The following RXRA variants were observed in gnomAD, a reference collection of about 807,000 sequenced individuals.
The protein encoded by RXRA is retinoic acid receptor RXR-alpha.
In RXRA, 5 loss-of-function variants were observed where a neutral mutation model predicts 44.5. That is an observed-to-expected ratio of 0.11 (90% CI 0.06 to 0.24). RXRA has a LOEUF of 0.24. Ranked by LOEUF, RXRA falls within the 10% of genes least tolerant of loss-of-function variation. The probability of loss-of-function intolerance (pLI) is 1.00; values close to 1 mark genes in which losing one functional copy is unlikely to be tolerated. For synonymous variants in RXRA, 291 were observed against 271.4 expected (o/e 1.07, Z -0.71); for missense variants, 412 against 646.5 (o/e 0.64, Z 3.93).
chr9:134,406,803 C>T (rs1224940881), intron 2 of RXRA, among the ~76,000 whole-genome samples: 2 of 152,258 alleles, frequency 1.3e-5, no homozygotes, highest in Admixed American at 6.5e-5. Flanking sequence ...CAGGGTTTCC[C>T]ATGCAGGGAG....
intron 6 of RXRA, chr9:134,422,861 G>C (rs1831370861): frequency 1.0e-6 from 1 of 985,474 alleles, no homozygotes. Flanking sequence ...GGCTGGCTGT[G>C]TTCCAGGGGC....
At chr9:134,359,384 A>G (rs537851977) in intron 1 of RXRA, among the ~76,000 whole-genome samples, 1 of 152,146 alleles carries the variant, frequency 6.6e-6, no homozygotes, top group South Asian at 2.1e-4. Flanking sequence ...TAATGGCTGC[A>G]GGTGTGCCCC....
chr9:134,331,127 G>C lies in RXRA; in HGVS notation c.28+4468G>C, dbSNP rs143260875. 7.1e-3 allele frequency among the ~76,000 whole-genome samples: 1,087 copies of C among 152,314 alleles called. 9 individuals carry two copies. The highest frequency in any genetic ancestry group is 0.024 in the African/African-American group (1,015 of 41,554). ...CTGCCACAGGAGAGCGCTCGCTGCTGCTGGGTCCTTGGGACCAGCCCCTGT... is the reference window on the plus strand; with the variant it reads ...CTGCCACAGGAGAGCGCTCGCTGCTCCTGGGTCCTTGGGACCAGCCCCTGT... On this transcript the variant is annotated intron_variant, in intron 1 of 9. Coordinates refer to ENST00000481739, the MANE Select transcript of RXRA (RefSeq NM_002957.6).
chr9:134,373,559 C>T (rs1195079965), intron 1 of RXRA, among the ~76,000 whole-genome samples: 1 of 152,250 alleles, frequency 6.6e-6, no homozygotes, highest in African/African-American at 2.4e-5. Flanking sequence ...TGTCTATCAC[C>T]CTCCCTGGGC....
At chr9:134,413,433 G>A (rs1252729367) in intron 4 of RXRA, among the ~76,000 whole-genome samples, 1 of 152,170 alleles carries the variant, frequency 6.6e-6, no homozygotes, top group African/African-American at 2.4e-5. Context: ...CTTGCTCTAG[G>A]TTGAAGCCCT....
chr9:134,347,074 G>A (rs1020370616), intron 1 of RXRA, among the ~76,000 whole-genome samples: 5 of 151,872 alleles, frequency 3.3e-5, no homozygotes, highest in South Asian at 2.1e-4. Context: ...GGTGACAGGC[G>A]GGTGGGAGTG....
intron 2 of RXRA, chr9:134,406,130 C>T (rs1364520452): frequency 4.6e-5 from 7 of 152,236 alleles, no homozygotes; most frequent in African/African-American, 1.4e-4. Context: ...CATGGTGGCT[C>T]AACGCCTGTA....
At chr9:134,412,841 G>A (rs151214996) in intron 4 of RXRA, among the ~76,000 whole-genome samples, 10 of 152,184 alleles carry the variant, frequency 6.6e-5, no homozygotes, top group Non-Finnish European at 1.0e-4. Flanking sequence ...TGGTCTAGAG[G>A]GGGCAGTGGC....
rs115833913 is a variant in RXRA at position 134,363,373 on chromosome 9, C to T, written c.28+36714C>T. Among the ~76,000 whole-genome samples the T allele has an allele frequency of 2.7e-3, 416 of 152,320 alleles. 2 individuals are homozygous for T. Among genetic ancestry groups the T allele is most frequent in the African/African-American group, 8.7e-3 (361 of 41,562 alleles). ...CCACCCACCCCATTTTCCTGAGCAG[C>T]GGGAGGTGGGAAGGCATCCGTTTAG... On this transcript the variant is annotated intron_variant, in intron 1 of 9. Coordinates refer to ENST00000481739, the MANE Select transcript of RXRA (RefSeq NM_002957.6).
intron 1 of RXRA, among the ~76,000 whole-genome samples, chr9:134,356,516 G>T (rs1002407753): frequency 1.3e-5 from 2 of 152,192 alleles, no homozygotes; most frequent in Non-Finnish European, 2.9e-5. Context: ...CACGGTCTGC[G>T]GGATGGAGGC....
intron 1 of RXRA, chr9:134,379,754 C>A: frequency 1.0e-6 from 1 of 985,344 alleles, no homozygotes; most frequent in Non-Finnish European, 1.2e-6. Context: ...CCCCTCTGTG[C>A]CTGTGGTCTG....
intron 1 of RXRA, among the ~76,000 whole-genome samples, chr9:134,392,111 C>T (rs1422687061): frequency 1.3e-5 from 2 of 152,346 alleles, no homozygotes; most frequent in African/African-American, 4.8e-5. Flanking sequence ...GTGTCAGAGC[C>T]TCCATTTTGC....
chr9:134,399,786 C>T (rs963951043), intron 1 of RXRA, among the ~76,000 whole-genome samples: 8 of 152,218 alleles, frequency 5.3e-5, no homozygotes, highest in East Asian at 1.9e-4. Flanking sequence ...GTCTGTACCC[C>T]GACTGCGATG....
chr9:134,345,515 G>A lies in RXRA; in HGVS notation c.28+18856G>A, dbSNP rs1479580060. ...GTGGCCTCCATCAAGTAGAGACCAA[G>A]GCCACAGGCAGGACGGGGGCTCTGG... On this transcript the variant is annotated intron_variant, in intron 1 of 9. Coordinates refer to ENST00000481739, the MANE Select transcript of RXRA (RefSeq NM_002957.6). 2.0e-5 allele frequency among the ~76,000 whole-genome samples: 3 copies of A among 152,202 alleles called. No homozygotes were observed. In the East Asian group the frequency reaches 5.8e-4, roughly 29 times the overall value.
chr9:134,396,963 G>A (rs1830889253), intron 1 of RXRA, among the ~76,000 whole-genome samples: 1 of 152,212 alleles, frequency 6.6e-6, no homozygotes, highest in Non-Finnish European at 1.5e-5. Context: ...CTGGAGTCCT[G>A]AGGGCTCACC....
Position 134,377,414 on chromosome 9 carries a change from C to T in RXRA, c.29-24218C>T, listed in dbSNP as rs571136561. Among the ~76,000 whole-genome samples, 120 of 152,318 alleles carry T rather than the reference C, an allele frequency of 7.9e-4. No homozygotes were observed. In the South Asian group the frequency reaches 0.023, roughly 29 times the overall value. On this transcript the variant is annotated intron_variant, in intron 1 of 9. Transcript: ENST00000481739. ...AGGCCCAGAGCATGGGAGGGGTCCC[C>T]AGTGTCCAGCACAGTTGTGGGGCTG...
chr9:134,409,080 C>T lies in RXRA; in HGVS notation c.571C>T (p.Arg191Cys), dbSNP rs748518062. The T allele has an allele frequency of 3.1e-6, 5 of 1,606,728 alleles. No homozygotes were observed. The highest frequency in any genetic ancestry group is 1.3e-5 in the African/African-American group (1 of 74,700). ...KRQRNRCQYCRYQKCLAMGMK... is the reference protein window; with the variant it reads ...KRQRNRCQYCCYQKCLAMGMK... The stretch of plus-strand genomic sequence containing the variant: ...GCAGCGGAACCGGTGCCAGTACTGC[C>T]GCTACCAGAAGTGCCTGGCCATGGG... The change falls in exon 4 of 10, where the codon CGC (arginine) becomes TGC (cysteine). Residue 191 changes from arginine (R) to cysteine (C), a missense_variant. This residue lies in a region of RXRA where 48 missense variants were observed against 119.9 expected (regional missense o/e 0.40). Transcript: ENST00000481739.
chr9:134,332,931 GC>G lies in RXRA; in HGVS notation c.28+6273del, dbSNP rs1835028337. Among the ~76,000 whole-genome samples the G allele has an allele frequency of 3.9e-5, 6 of 152,190 alleles. No homozygotes were observed. The East Asian group carries it at 9.7e-4, about 25-fold the overall frequency. ...GAGGATTCCTAGCATCTTCCTGGGG[GC>G]TTAGGCCAGGTCCCTGGGCTGGCCT... On this transcript the variant is annotated intron_variant, in intron 1 of 9. Transcript: ENST00000481739.
At chr9:134,358,075 A>G (rs981339678) in intron 1 of RXRA, among the ~76,000 whole-genome samples, 24 of 152,324 alleles carry the variant, frequency 1.6e-4, no homozygotes, top group African/African-American at 5.8e-4. Flanking sequence ...CTCCTGCAGC[A>G]CCATCTCCAC....
Sources: allele counts gnomAD v4.1 joint callset (sites outside exome capture counted in the v4.1 genomes callset), GRCh38; gene constraint gnomAD v4.1.1; regional missense constraint gnomAD v4.1.1; transcripts MANE v1.5; gene names NCBI Gene and HGNC (gene_info 2026-07-23, HGNC 2026-07-21).